ZNF594: variants seen among roughly 807,000 people sequenced by gnomAD.
ZNF594 encodes zinc finger protein HZF18.
For synonymous variants in ZNF594, 336 were observed against 309.4 expected (o/e 1.09, Z -0.90); for missense variants, 1,037 against 964.6 (o/e 1.08, Z -0.99).
chr17:5,181,392 C>T lies in ZNF594; in HGVS notation c.*441G>A, dbSNP rs1269982989. ...CTGGAAAGCCCTACCACACTGATTA[C>T]ACCAATAAGCTTTCTCTTCTTGGTG... On this transcript the variant is annotated 3_prime_UTR_variant, in exon 2 of 2. Transcript: ENST00000575779. 7 of 1,613,016 alleles carry T rather than the reference C, an allele frequency of 4.3e-6. No individual in the cohort carries two copies. The highest frequency in any genetic ancestry group is 4.0e-5 in the African/African-American group (3 of 74,850).
chr17:5,182,881 G>A lies in ZNF594; in HGVS notation c.1376C>T (p.Pro459Leu), dbSNP rs1262836897. ...RHHRVHTGEK[P>L]YECSECGKAF... ...TTTCCCACATTCACTACATTCATAG[G>A]GTTTCTCTCCAGTATGAACACGATG... is the stretch of plus-strand genomic sequence containing the variant. The change falls in exon 2 of 2, where the codon CCC becomes CTC. Residue 459 changes from proline to leucine, a missense_variant. Pro to Leu is a moderately conservative substitution (Grantham distance 98). Coordinates refer to ENST00000575779, the MANE Select transcript of ZNF594 (RefSeq NM_032530.2). 2.5e-6 allele frequency: 4 copies of A among 1,613,934 alleles called. No homozygotes were observed. The highest frequency in any genetic ancestry group is 1.6e-4 in the Middle Eastern group (1 of 6,062).
In ZNF594 at chr17:5,183,074, G is replaced by T. The variant is rs1408240489; in HGVS notation, c.1183C>A (p.Gln395Lys). ...GGTTTCTCTCCTGTATGAGTTACCT[G>T]ATGTCTGATGAGGTCTGAGGTGCCC... ...FQGTSDLIRH[Q>K]VTHTGEKPYE... The change falls in exon 2 of 2, where the codon CAG becomes AAG. Residue 395 changes from glutamine to lysine, a missense_variant. Physicochemically the swap from Gln to Lys is moderately conservative, Grantham distance 53. Transcript: ENST00000575779. 3 of 1,613,970 alleles carry T rather than the reference G, an allele frequency of 1.9e-6. No homozygotes were observed. The highest frequency in any genetic ancestry group is 1.7e-5 in the Admixed American group (1 of 59,992).
Position 5,182,307 on chromosome 17 carries a change from T to G in ZNF594, c.1950A>C (p.Lys650Asn). 6.2e-7 allele frequency: 1 copy of G among 1,613,376 alleles called. No homozygotes were observed. Among genetic ancestry groups the G allele is most frequent in the Admixed American group, 1.7e-5 (1 of 59,988 alleles). The stretch of plus-strand genomic sequence containing the variant: ...TCCCACATTCACTACATTCATAGGG[T>G]TTCTCTCCAGTATGAATACGATGGT... ...IKHHRIHTGE[K>N]PYECSECGKA... Residue 650 changes from lysine to asparagine, a missense_variant, in exon 2 of 2, where the codon AAA becomes AAC. By Grantham distance (94) the Lys-to-Asn change is moderately conservative (BLOSUM62 0). Coordinates refer to ENST00000575779, the MANE Select transcript of ZNF594 (RefSeq NM_032530.2).
In ZNF594 at chr17:5,187,926, T is replaced by C. The variant is rs4082562; in HGVS notation, c.-20-3650A>G. 4.7e-5 allele frequency among the ~76,000 whole-genome samples: 7 copies of C among 150,000 alleles called. No individual in the cohort carries two copies. In the South Asian group the frequency reaches 1.5e-3, roughly 32 times the overall value. On this transcript the variant is annotated intron_variant, in intron 1 of 1. Coordinates refer to ENST00000575779, the MANE Select transcript of ZNF594 (RefSeq NM_032530.2). ...TTTTTAGAGATATGGTCTCACCATG[T>C]TGCCCAGGCTGGTCTCACACTCCTG...
rs1196781343 is a variant in ZNF594, at chr17:5,180,632, A to G, written c.*1201T>C. 1.4e-5 allele frequency: 3 copies of G among 208,286 alleles called. No individual in the cohort carries two copies. Among genetic ancestry groups the G allele is most frequent in the Non-Finnish European group, 2.9e-5 (3 of 102,896 alleles). 12.9% of individuals were successfully genotyped at this position (208,286 alleles called of 1,614,324 possible). On this transcript the variant is annotated 3_prime_UTR_variant, in exon 2 of 2. Coordinates refer to ENST00000575779, the MANE Select transcript of ZNF594 (RefSeq NM_032530.2). ...AGGAGTGCTTGAGCCCAAGAGTTCAAGTCCAGCCTGGGCAACATAGTGAGA... is the reference window on the plus strand; with the variant it reads ...AGGAGTGCTTGAGCCCAAGAGTTCAGGTCCAGCCTGGGCAACATAGTGAGA...
chr17:5,188,500 A>C (rs1447162049), intron 1 of ZNF594, among the ~76,000 whole-genome samples: 1 of 152,144 alleles, frequency 6.6e-6, no homozygotes, highest in African/African-American at 2.4e-5. Flanking sequence ...GTAATTGTTA[A>C]GATAAATTTG....
At chr17:5,189,438 C>T (rs997936414) in intron 1 of ZNF594, among the ~76,000 whole-genome samples, 10 of 151,480 alleles carry the variant, frequency 6.6e-5, no homozygotes, top group East Asian at 5.9e-4. Flanking sequence ...TGGGGCTTGC[C>T]GTGTTGTCCA....
At chr17:5,186,315 C>G (rs2144256061) in intron 1 of ZNF594, among the ~76,000 whole-genome samples, 1 of 152,362 alleles carries the variant, frequency 6.6e-6, no homozygotes. Context: ...AGGCTTAGGG[C>G]ACCCTCTGAA....
chr17:5,186,151 C>T (rs1209940272), intron 1 of ZNF594, among the ~76,000 whole-genome samples: 2 of 152,246 alleles, frequency 1.3e-5, no homozygotes, highest in African/African-American at 4.8e-5. Context: ...AGTGCCCTAG[C>T]AGAGGTTCTC....
intron 1 of ZNF594, among the ~76,000 whole-genome samples, chr17:5,188,345 G>A (rs182744050): frequency 1.3e-5 from 2 of 150,688 alleles, no homozygotes; most frequent in Non-Finnish European, 1.5e-5. Flanking sequence ...AAAGCCAGAA[G>A]CTGAAGGAAG....
chr17:5,178,205 A>C (rs2074318123), downstream of ZNF594, among the ~76,000 whole-genome samples: 1 of 152,148 alleles, frequency 6.6e-6, no homozygotes, highest in Non-Finnish European at 1.5e-5. Context: ...TATGAATTAA[A>C]CCACATATGG....
downstream of ZNF594, among the ~76,000 whole-genome samples, chr17:5,175,717 T>C (rs1196802453): frequency 6.6e-6 from 1 of 152,072 alleles, no homozygotes; most frequent in Admixed American, 6.5e-5. Context: ...ATTTGCATAA[T>C]GCCTTGAAAT....
Position 5,182,203 on chromosome 17 carries a change from C to T in ZNF594, c.2054G>A (p.Cys685Tyr), listed in dbSNP as rs530330859. 1.7e-5 allele frequency: 28 copies of T among 1,613,570 alleles called. No individual in the cohort carries two copies. The South Asian group carries it at 2.7e-4, about 16-fold the overall frequency. ...TGEKPYQCSE[C>Y]GNAFRRRSLL... ...GGAACGCCGCCTGAAGGCATTCCCA[C>T]ATTCACTGCACTGATAGGGTTTCTC... The change falls in exon 2 of 2, where the codon TGT becomes TAT. Residue 685 changes from cysteine (C) to tyrosine (Y), a missense_variant. Physicochemically the swap from Cys to Tyr is radical, Grantham distance 194. Coordinates refer to ENST00000575779, the MANE Select transcript of ZNF594 (RefSeq NM_032530.2).
downstream of ZNF594, chr17:5,175,083 ATTTC>A (rs2074295518): frequency 1.2e-5 from 2 of 173,798 alleles, no homozygotes; most frequent in African/African-American, 4.7e-5. Flanking sequence ...TACTTGAATA[ATTTC>A]TTTCTGACTT....
At chr17:5,175,427 T>TC (rs903788856), downstream of ZNF594, among the ~76,000 whole-genome samples, 2 of 151,800 alleles carry the variant, frequency 1.3e-5, no homozygotes, top group Admixed American at 1.3e-4. Flanking sequence ...CTGAAACCAT[T>TC]CCCCCCATCC....
At chr17:5,175,074 A>C (rs1319878035), downstream of ZNF594, 2 of 175,054 alleles carry the variant, frequency 1.1e-5, no homozygotes, top group African/African-American at 2.4e-5. Context: ...TAATTCTCCT[A>C]CTTGAATAAT....
chr17:5,185,324 T>G (rs976048332), intron 1 of ZNF594, among the ~76,000 whole-genome samples: 2 of 151,942 alleles, frequency 1.3e-5, no homozygotes, highest in African/African-American at 4.8e-5. Flanking sequence ...CAAGAGAAAA[T>G]GAGGAAGATG....
downstream of ZNF594, among the ~76,000 whole-genome samples, chr17:5,175,975 C>T (rs2074304307): frequency 1.3e-5 from 2 of 152,200 alleles, no homozygotes; most frequent in South Asian, 4.1e-4. Context: ...ATATTCAATC[C>T]TATTTCACAA....
chr17:5,181,522 G>A lies in ZNF594; in HGVS notation c.*311C>T. ...CTCTGATGTTTGAGGAAAGCTGTGT[G>A]CCACATGAAGAGTTTCCCACATTCC... On this transcript the variant is annotated 3_prime_UTR_variant, in exon 2 of 2. Transcript: ENST00000575779. 2.5e-6 allele frequency: 4 copies of A among 1,613,874 alleles called. No individual in the cohort carries two copies. The highest frequency in any genetic ancestry group is 3.4e-6 in the Non-Finnish European group (4 of 1,179,844).
Sources: gnomAD v4.1 joint callset for allele counts (sites outside exome capture counted in the v4.1 genomes callset) on GRCh38, gnomAD v4.1.1 for gene constraint, MANE v1.5 for transcripts, NCBI Gene and HGNC (gene_info 2026-07-23, HGNC 2026-07-21) for gene names.